IFIH1: variants seen among roughly 807,000 people sequenced by gnomAD.
The protein encoded by IFIH1 is interferon-induced helicase C domain-containing protein 1.
IFIH1 carries 125 observed loss-of-function variants against 107.4 expected under a neutral mutation model. The ratio of observed to expected loss-of-function variants is 1.16; its 90% CI spans 1.01 to 1.35. The LOEUF is 1.35. Ranked by LOEUF, IFIH1 falls within the 40% of genes most tolerant of loss-of-function variation. The pLI, the probability that IFIH1 is intolerant of heterozygous loss-of-function variation, is 0.00. For missense variants in IFIH1, 1,333 were observed against 1,213.7 expected, an observed-to-expected ratio of 1.10 and a Z score of -1.46; for synonymous variants, 458 against 413.2, an observed-to-expected ratio of 1.11 and a Z score of -1.31.
chr2:162,318,536 CG>C lies in IFIH1; in HGVS notation c.-230del. Reference sequence around the variant, plus strand: ...GGCAGGTGGGCAGCGGGGCGGCGCGCGGGGCCGCGGCAGGCAGGTGCGGCCG... The same window carrying C: ...GGCAGGTGGGCAGCGGGGCGGCGCGCGGGCCGCGGCAGGCAGGTGCGGCCG... On this transcript the variant is annotated 5_prime_UTR_variant, in exon 1 of 16. Transcript: ENST00000649979. The C allele has an allele frequency of 3.4e-6, 1 of 295,982 alleles. No individual in the cohort carries two copies. Among genetic ancestry groups the C allele is most frequent in the Non-Finnish European group, 6.1e-6 (1 of 163,362 alleles). The allele number at this position is 295,982 out of a possible 1,614,324, so 18.3% of individuals were successfully genotyped here.
Position 162,314,424 on chromosome 2 carries a change from CTTT to C in IFIH1, c.453+3428_453+3430del, listed in dbSNP as rs1558877490. On this transcript the variant is annotated intron_variant, in intron 1 of 15. Coordinates refer to ENST00000649979, the MANE Select transcript of IFIH1 (RefSeq NM_022168.4). The stretch of plus-strand genomic sequence containing the variant: ...CTTTCTTTCTTTCTTTCTTTTCTTT[CTTT>C]CTTTCTTTCTTTCTTTCTTTCTTTC... Among the ~76,000 whole-genome samples, 23 of 60,986 alleles carry C rather than the reference CTTT, an allele frequency of 3.8e-4. 1 individual carries two copies. Among genetic ancestry groups the C allele is most frequent in the Admixed American group, 3.5e-3 (17 of 4,878 alleles). The allele number at this position is 60,986 out of a possible 152,430, so 40.0% of individuals were successfully genotyped here. A position where few individuals can be genotyped will look rare whatever the true frequency, so the allele number is the denominator to read the frequency against.
Position 162,273,828 on chromosome 2 carries a change from A to G in IFIH1, c.2421T>C (p.Tyr807=), listed in dbSNP as rs184259770. ...DIKECNIVIR[Y]GLVTNEIAMV... ...TGGCTATTTCATTGGTGACGAGACCATAACGGATAACAATGTTACATTCTT... is the reference window on the plus strand; with the variant it reads ...TGGCTATTTCATTGGTGACGAGACCGTAACGGATAACAATGTTACATTCTT... Residue 807 remains tyrosine (Y), a synonymous_variant, in exon 12 of 16, where the codon TAT becomes TAC. Transcript: ENST00000649979. 5.2e-5 allele frequency: 84 copies of G among 1,608,094 alleles called. No individual in the cohort carries two copies. The highest frequency in any genetic ancestry group is 2.8e-5 in the Non-Finnish European group (33 of 1,176,882).
At chr2:162,317,015 G>C (rs1000032022) in intron 1 of IFIH1, among the ~76,000 whole-genome samples, 2 of 140,102 alleles carry the variant, frequency 1.4e-5, no homozygotes, top group South Asian at 2.4e-4. Context: ...TAAAGAAAAA[G>C]GGTGTGTGTG....
At chr2:162,274,056 A>C (rs984681914) in intron 11 of IFIH1, 112 bp from the exon 12 acceptor site, 3 of 669,980 alleles carry the variant, frequency 4.5e-6, no homozygotes, top group Non-Finnish European at 7.3e-6. Flanking sequence ...AAAGGATTAG[A>C]TCATACATGG....
At chr2:162,314,428 C>CTTTCTTTCTTTCTTTCTT (rs1683445070) in intron 1 of IFIH1, among the ~76,000 whole-genome samples, 1 of 76,544 alleles carries the variant, frequency 1.3e-5, no homozygotes. Context: ...TTCTTTCTTT[C>CTTTCTTTCTTTCTTTCTT]TTTCTTTCTT....
intron 5 of IFIH1, among the ~76,000 whole-genome samples, chr2:162,285,392 A>G (rs190140159): frequency 6.6e-6 from 1 of 152,114 alleles, no homozygotes; most frequent in Admixed American, 6.6e-5. Context: ...CAAGGGTAAC[A>G]ATACCTTGTT....
rs929495515 is a variant in IFIH1 at position 162,302,132 on chromosome 2, G to C, written c.769+4577C>G. ...GTCACCTCTAGTGCCAAAGGGATAT[G>C]TGTTTAAAATTAGTTTCAAGGTGGG... On this transcript the variant is annotated intron_variant, in intron 3 of 15. Transcript: ENST00000649979. 3.3e-5 allele frequency among the ~76,000 whole-genome samples: 5 copies of C among 152,132 alleles called. No homozygotes were observed. The South Asian group carries it at 1.0e-3, about 32-fold the overall frequency.
intron 12 of IFIH1, among the ~76,000 whole-genome samples, chr2:162,273,318 C>T (rs1181600829): frequency 6.6e-6 from 1 of 152,028 alleles, no homozygotes. Flanking sequence ...TGCCCCCAAC[C>T]AACATTTTAT....
chr2:162,293,627 C>A lies in IFIH1; in HGVS notation c.811G>T (p.Asp271Tyr), dbSNP rs544744271. ...SLAEGSVSCL[D>Y]ESLGHNSNMG... ...TTGCTGTTATGTCCAAGACTTTCATCTAAGCAGCTGACACTTCCTTCTGCC... is the reference window on the plus strand; with the variant it reads ...TTGCTGTTATGTCCAAGACTTTCATATAAGCAGCTGACACTTCCTTCTGCC... The change falls in exon 4 of 16, where the codon GAT becomes TAT. Residue 271 changes from aspartate to tyrosine, a missense_variant. Coordinates refer to ENST00000649979, the MANE Select transcript of IFIH1 (RefSeq NM_022168.4). 5.0e-6 allele frequency: 8 copies of A among 1,611,982 alleles called. No individual in the cohort carries two copies. The highest frequency in any genetic ancestry group is 6.8e-6 in the Non-Finnish European group (8 of 1,178,546).
Position 162,268,124 on chromosome 2 carries a change from C to G in IFIH1, c.2770G>C (p.Glu924Gln). ...ACSGEDIHVIEKMHHVNMTPE... is the reference protein window; with the variant it reads ...ACSGEDIHVIQKMHHVNMTPE... The stretch of plus-strand genomic sequence containing the variant: ...GTCATATTGACGTGATGCATTTTCT[C>G]AATTACATGGATATCTTCCCCAGAA... The change falls in exon 14 of 16, where the codon GAG becomes CAG. Residue 924 changes from glutamate (E) to glutamine (Q), a missense_variant. Physicochemically the swap from Glu to Gln is conservative, Grantham distance 29. Coordinates refer to ENST00000649979, the MANE Select transcript of IFIH1 (RefSeq NM_022168.4). The G allele has an allele frequency of 6.2e-7, 1 of 1,608,774 alleles. No individual in the cohort carries two copies. Among genetic ancestry groups the G allele is most frequent in the Non-Finnish European group, 8.5e-7 (1 of 1,178,090 alleles).
chr2:162,276,976 A>T, intron 10 of IFIH1, 30 bp from the exon 11 acceptor site: 1 of 1,542,050 alleles, frequency 6.5e-7, no homozygotes, highest in Non-Finnish European at 8.8e-7. Flanking sequence ...TTGATATGTT[A>T]ACAAGCTTGA....
At position 162,277,547 on chromosome 2, in the gene IFIH1, A is replaced by G; in HGVS notation, c.1912T>C (p.Phe638Leu). ...TCACTATCATCTTCTATGACTGCAA[A>G]CTTCTTATCTTTCTCTTCATTATAG... ...TFYNEEKDKK[F>L]AVIEDDSDEG... Residue 638 changes from phenylalanine to leucine, a missense_variant, in exon 10 of 16, where the codon TTT becomes CTT. By Grantham distance (22) the Phe-to-Leu change is conservative. Coordinates refer to ENST00000649979, the MANE Select transcript of IFIH1 (RefSeq NM_022168.4). 1 of 1,600,968 alleles carries G rather than the reference A, an allele frequency of 6.2e-7. No homozygotes were observed. The highest frequency in any genetic ancestry group is 8.6e-7 in the Non-Finnish European group (1 of 1,168,310).
chr2:162,303,564 G>C (rs1683228291), intron 3 of IFIH1, among the ~76,000 whole-genome samples: 2 of 151,752 alleles, frequency 1.3e-5, no homozygotes, highest in African/African-American at 4.8e-5. Context: ...TTGGAAAATA[G>C]TTGTTAAATG....
chr2:162,277,642 T>C lies in IFIH1; in HGVS notation c.1817A>G (p.Lys606Arg), dbSNP rs1682721178. 6.2e-7 allele frequency: 1 copy of C among 1,612,792 alleles called. No individual in the cohort carries two copies. Among genetic ancestry groups the C allele is most frequent in the Non-Finnish European group, 8.5e-7 (1 of 1,179,126 alleles). Residue 606 changes from lysine to arginine, a missense_variant, in exon 10 of 16, where the codon AAG becomes AGG. Transcript: ENST00000649979. ...KERVCAEHLR[K>R]YNEALQINDT... The stretch of plus-strand genomic sequence containing the variant: ...ATTAATTTGTAGGGCCTCATTGTAC[T>C]TCCTCAAATGTTCTGCACAAACACG...
intron 1 of IFIH1, among the ~76,000 whole-genome samples, chr2:162,314,523 CT>C (rs201326241): frequency 6.7e-6 from 1 of 149,920 alleles, no homozygotes; most frequent in East Asian, 2.0e-4. Context: ...GAGTCTCGCT[CT>C]GTCACCAGGG....
rs760939547 is a variant in IFIH1, at chr2:162,314,416, TTTTCTTTCTTTCTTTC to T, written c.453+3423_453+3438del. Among the ~76,000 whole-genome samples, 36 of 51,466 alleles carry T rather than the reference TTTTCTTTCTTTCTTTC, an allele frequency of 7.0e-4. 1 individual carries two copies. Among genetic ancestry groups the T allele is most frequent in the East Asian group, 2.4e-3 (3 of 1,264 alleles). The allele number at this position is 51,466 out of a possible 152,430, so 33.8% of individuals were successfully genotyped here. A position where few individuals can be genotyped will look rare whatever the true frequency, so the allele number is the denominator to read the frequency against. On this transcript the variant is annotated intron_variant, in intron 1 of 15. Transcript: ENST00000649979. ...CCTCCCTCCTTTCTTTCTTTCTTTC[TTTTCTTTCTTTCTTTC>T]TTTCTTTCTTTCTTTCTTTCTTTCT...
intron 8 of IFIH1, 148 bp downstream of exon 8, chr2:162,279,848 G>A: frequency 1.6e-6 from 1 of 641,954 alleles, no homozygotes; most frequent in Non-Finnish European, 2.8e-6. Flanking sequence ...GTGCTTTACT[G>A]CCTAACATCA....
At chr2:162,278,881 G>T (rs568947506) in intron 8 of IFIH1, among the ~76,000 whole-genome samples, 1 of 152,064 alleles carries the variant, frequency 6.6e-6, no homozygotes, top group Admixed American at 6.6e-5. Flanking sequence ...GTGACTGGAA[G>T]GGGGAGCCAG....
rs1212715492 is a variant in IFIH1 at position 162,288,300 on chromosome 2, AG to A, written c.929del (p.Pro310LeufsTer38). ...ASPEPELQLR[P>X]YQMEVAQPAL... The stretch of plus-strand genomic sequence containing the variant: ...CTGGCTGGGCAACTTCCATTTGGTA[AG>A]GCCTGAGCTGGAGTTCTGGCTCCGG... On this transcript the variant is annotated frameshift_variant, in exon 5 of 16. Coordinates refer to ENST00000649979, the MANE Select transcript of IFIH1 (RefSeq NM_022168.4). LOFTEE classifies it high-confidence loss of function. 8.1e-6 allele frequency: 13 copies of A among 1,612,772 alleles called. No homozygotes were observed. In the South Asian group the frequency reaches 1.3e-4, roughly 16 times the overall value.
Sources: gnomAD v4.1 joint callset for allele counts (sites outside exome capture counted in the v4.1 genomes callset) on GRCh38, gnomAD v4.1.1 for gene constraint, MANE v1.5 for transcripts, NCBI Gene and HGNC (gene_info 2026-07-23, HGNC 2026-07-21) for gene names.